Variants in PARD3B observed in about 807,000 individuals in gnomAD.
PARD3B encodes the protein partitioning defective 3 homolog B.
Under a neutral mutation model 130.2 loss-of-function variants are expected in PARD3B, and 103 were observed. The ratio of observed to expected loss-of-function variants is 0.79; its 90% confidence interval spans 0.67 to 0.93. The LOEUF (loss-of-function observed/expected upper bound fraction) is 0.93. Ranked by LOEUF, PARD3B falls within the 40% of genes least tolerant of loss-of-function variation. The pLI, the probability that PARD3B is intolerant of heterozygous loss-of-function variation, is 0.00. For synonymous variants in PARD3B, 583 were observed against 553.2 expected (o/e 1.05, Z -0.76); for missense variants, 1,609 against 1,499.2 (o/e 1.07, Z -1.21).
In PARD3B at chr2:205,341,013, A is replaced by T. The variant is rs1391292939; in HGVS notation, c.2630+39312A>T. ...TAAAAAATGCTTGACATTACTAATC[A>T]TCAGGGAAATACAAACCAAAACCAC... is the stretch of plus-strand genomic sequence containing the variant. On this transcript the variant is annotated intron_variant, in intron 18 of 22. Coordinates refer to ENST00000406610, the MANE Select transcript of PARD3B (RefSeq NM_001302769.2). The surrounding 1 kb of genome is among the most constrained non-coding windows in gnomAD (Gnocchi z 4.3). Among the ~76,000 whole-genome samples, 1 of 152,150 alleles carries T rather than the reference A, an allele frequency of 6.6e-6. No homozygotes were observed. The highest frequency in any genetic ancestry group is 1.9e-4 in the East Asian group (1 of 5,190).
At chr2:205,140,021 A>G (rs1477697837) in intron 10 of PARD3B, among the ~76,000 whole-genome samples, 2 of 152,196 alleles carry the variant, frequency 1.3e-5, no homozygotes, top group African/African-American at 2.4e-5. Context: ...AATATTTCCC[A>G]AAGATTGCGT....
At chr2:204,835,088 G>A (rs2043978735) in intron 2 of PARD3B, among the ~76,000 whole-genome samples, 1 of 152,154 alleles carries the variant, frequency 6.6e-6, no homozygotes, top group African/African-American at 2.4e-5. Flanking sequence ...ATAATTACAG[G>A]AAAGCTCTTG....
At position 204,694,633 on chromosome 2, in the gene PARD3B, C is replaced by T. The variant is rs548489062; in HGVS notation, c.222+8351C>T. On this transcript the variant is annotated intron_variant, in intron 2 of 22. Transcript: ENST00000406610. Reference sequence around the variant, plus strand: ...AGACAGTTTGTGGGCATGTTTCAACCTCAGAGAAGAATTTTGGAATCAATG... The same window carrying T: ...AGACAGTTTGTGGGCATGTTTCAACTTCAGAGAAGAATTTTGGAATCAATG... 2.6e-5 allele frequency among the ~76,000 whole-genome samples: 4 copies of T among 152,086 alleles called. No individual in the cohort carries two copies. In the South Asian group the frequency reaches 8.3e-4, roughly 32 times the overall value.
chr2:204,591,093 A>C (rs2033055245), intron 1 of PARD3B, among the ~76,000 whole-genome samples: 1 of 152,208 alleles, frequency 6.6e-6, no homozygotes, highest in Non-Finnish European at 1.5e-5. Context: ...TGAATGTTGC[A>C]ATTACTGTGT....
chr2:204,946,349 C>T (rs1689321178), intron 2 of PARD3B, among the ~76,000 whole-genome samples: 1 of 152,208 alleles, frequency 6.6e-6, no homozygotes, highest in African/African-American at 2.4e-5. Flanking sequence ...TTTATTGAGG[C>T]ACAGTCAAGG....
chr2:204,894,312 T>C (rs1275596472), intron 2 of PARD3B, among the ~76,000 whole-genome samples: 2 of 152,180 alleles, frequency 1.3e-5, no homozygotes. Flanking sequence ...ACAGACATTT[T>C]CTTTAAACAA....
At position 205,141,299 on chromosome 2, in the gene PARD3B, GCAC is replaced by G; in HGVS notation, c.1434+15568_1434+15570del. 3.9e-5 allele frequency among the ~76,000 whole-genome samples: 6 copies of G among 152,210 alleles called. 1 individual carries two copies. The highest frequency in any genetic ancestry group is 1.4e-4 in the African/African-American group (6 of 41,544). On this transcript the variant is annotated intron_variant, in intron 10 of 22. Coordinates refer to ENST00000406610, the MANE Select transcript of PARD3B (RefSeq NM_001302769.2). ...AAGAAGAAAAAATAAAAAAATAAAA[GCAC>G]CACCAACTGTCAGAGCAACTTTTAG...
chr2:205,464,024 A>G (rs1232562673), intron 20 of PARD3B, among the ~76,000 whole-genome samples: 1 of 152,158 alleles, frequency 6.6e-6, no homozygotes. Flanking sequence ...TGGGATTTTT[A>G]AGAAAGTACT....
At chr2:204,994,791 T>C (rs1204282639) in intron 3 of PARD3B, among the ~76,000 whole-genome samples, 1 of 147,226 alleles carries the variant, frequency 6.8e-6, no homozygotes, top group Non-Finnish European at 1.5e-5. Flanking sequence ...ATATTTAGGA[T>C]AGTTAGCTCC....
intron 16 of PARD3B, among the ~76,000 whole-genome samples, chr2:205,266,067 A>G (rs1406068254): frequency 6.6e-6 from 1 of 152,096 alleles, no homozygotes; most frequent in African/African-American, 2.4e-5. Context: ...GAAAAGACAT[A>G]GCTTCTTATC....
chr2:204,555,976 T>A (rs926781880), intron 1 of PARD3B, among the ~76,000 whole-genome samples: 10 of 152,190 alleles, frequency 6.6e-5, no homozygotes, highest in African/African-American at 2.4e-4. Context: ...ATACCACTTA[T>A]TTTAACTGTA....
Position 204,606,693 on chromosome 2 carries a change from C to T in PARD3B, c.120+60574C>T, listed in dbSNP as rs562800147. On this transcript the variant is annotated intron_variant, in intron 1 of 22. Coordinates refer to ENST00000406610, the MANE Select transcript of PARD3B (RefSeq NM_001302769.2). The surrounding 1 kb of genome is among the most constrained non-coding windows in gnomAD (Gnocchi z 4.0). Reference sequence around the variant, plus strand: ...GACGCACTGGTCTCATTACCTATTCCGGTAAGATTCTTCTAGGTTAATATG... The same window carrying T: ...GACGCACTGGTCTCATTACCTATTCTGGTAAGATTCTTCTAGGTTAATATG... Among the ~76,000 whole-genome samples the T allele has an allele frequency of 6.4e-4, 97 of 152,212 alleles. No individual in the cohort carries two copies. Among genetic ancestry groups the T allele is most frequent in the South Asian group, 3.8e-3 (18 of 4,796 alleles).
chr2:204,908,565 T>C (rs562308618), intron 2 of PARD3B, among the ~76,000 whole-genome samples: 1 of 152,324 alleles, frequency 6.6e-6, no homozygotes, highest in South Asian at 2.1e-4. Context: ...TGACTTAGCA[T>C]TTGCTTAATG....
chr2:205,523,683 TATTTTTAAA>T (rs891310029), intron 21 of PARD3B, among the ~76,000 whole-genome samples: 9 of 152,094 alleles, frequency 5.9e-5, no homozygotes, highest in African/African-American at 2.2e-4. Flanking sequence ...AGAAGGTGTA[TATTTTTAAA>T]ATATTTTTAA....
In PARD3B at chr2:204,762,531, T is replaced by C. The variant is rs573394762; in HGVS notation, c.222+76249T>C. On this transcript the variant is annotated intron_variant, in intron 2 of 22. Coordinates refer to ENST00000406610, the MANE Select transcript of PARD3B (RefSeq NM_001302769.2). ...ATTTAAATTTAAGCCTTGATTCATC[T>C]ATAGACAGATATTTGCATTGAATTA... Among the ~76,000 whole-genome samples, 101 of 152,322 alleles carry C rather than the reference T, an allele frequency of 6.6e-4. 1 individual carries two copies. The highest frequency in any genetic ancestry group is 2.3e-3 in the African/African-American group (96 of 41,578).
At chr2:205,197,927 C>G (rs1282908133) in intron 15 of PARD3B, among the ~76,000 whole-genome samples, 2 of 152,128 alleles carry the variant, frequency 1.3e-5, no homozygotes, top group African/African-American at 4.8e-5. Context: ...TAGGGTTTTC[C>G]CCCAAAGAGC....
rs1037719397 is a variant in PARD3B, at chr2:204,957,666, G to T, written c.223-7486G>T. Among the ~76,000 whole-genome samples the T allele has an allele frequency of 3.3e-5, 5 of 152,166 alleles. No individual in the cohort carries two copies. The East Asian group carries it at 9.7e-4, about 29-fold the overall frequency. ...TCAAAATCCTGGGAAGGAAGAGAAC[G>T]TACTTTGAAACCTTTGTTTAAAGTA... On this transcript the variant is annotated intron_variant, in intron 2 of 22. Transcript: ENST00000406610.
chr2:205,228,968 C>T (rs1033408310), intron 15 of PARD3B, among the ~76,000 whole-genome samples: 1 of 152,180 alleles, frequency 6.6e-6, no homozygotes, highest in Non-Finnish European at 1.5e-5. Context: ...TTATTTCAGT[C>T]TCCTTGTTAA....
At chr2:205,159,423 T>A (rs1189632440) in intron 11 of PARD3B, among the ~76,000 whole-genome samples, 1 of 152,192 alleles carries the variant, frequency 6.6e-6, no homozygotes, top group Non-Finnish European at 1.5e-5. Context: ...AGCTTAGTTT[T>A]CTAGGTTTCC....
Sources: gnomAD v4.1 joint callset for allele counts (sites outside exome capture counted in the v4.1 genomes callset) on GRCh38, gnomAD v4.1.1 for gene constraint, Gnocchi (gnomAD v3.1) non-coding constraint, MANE v1.5 for transcripts, NCBI Gene and HGNC (gene_info 2026-07-23, HGNC 2026-07-21) for gene names.